Variants in VPS35L observed in about 807,000 individuals in gnomAD.
The protein encoded by VPS35L is VPS35 endosomal protein-sorting factor-like.
In VPS35L, 83 loss-of-function variants were observed where a neutral mutation model predicts 133.0. That is an observed-to-expected ratio of 0.62 (90% CI 0.52 to 0.75). VPS35L has a LOEUF of 0.75. Ranked by LOEUF, VPS35L falls within the 30% of genes least tolerant of loss-of-function variation. The probability of loss-of-function intolerance (pLI) is 0.00; values close to 1 mark genes in which losing one functional copy is unlikely to be tolerated. For synonymous variants in VPS35L, 423 were observed against 449.9 expected (o/e 0.94, Z 0.76); for missense variants, 1,083 against 1,206.8 (o/e 0.90, Z 1.52).
intron 21 of VPS35L, among the ~76,000 whole-genome samples, chr16:19,641,983 G>A (rs1156319937): frequency 6.6e-6 from 1 of 152,230 alleles, no homozygotes; most frequent in Admixed American, 6.5e-5. Context: ...GCTGAGGCAG[G>A]TGGATCACCT....
intron 14 of VPS35L, among the ~76,000 whole-genome samples, chr16:19,623,392 C>T (rs116033858): frequency 6.6e-6 from 1 of 152,142 alleles, no homozygotes; most frequent in Non-Finnish European, 1.5e-5. Context: ...TCCTTGCTGT[C>T]TCTTCCTATA....
chr16:19,626,495 C>T (rs1973266217), intron 15 of VPS35L, among the ~76,000 whole-genome samples: 1 of 152,190 alleles, frequency 6.6e-6, no homozygotes, highest in Non-Finnish European at 1.5e-5. Flanking sequence ...GGCGTGGTGG[C>T]TGATGCCTGT....
intron 14 of VPS35L, among the ~76,000 whole-genome samples, chr16:19,623,276 A>G (rs1973142044): frequency 1.3e-5 from 2 of 152,164 alleles, no homozygotes; most frequent in East Asian, 3.9e-4. Context: ...GGAGACCAAG[A>G]TCAAGGGGCC....
At chr16:19,597,092 G>T (rs1158672965) in intron 8 of VPS35L, among the ~76,000 whole-genome samples, 1 of 151,992 alleles carries the variant, frequency 6.6e-6, no homozygotes, top group African/African-American at 2.4e-5. Flanking sequence ...TGGGCATGGT[G>T]ACTCACACCT....
chr16:19,572,785 C>T (rs955502534), intron 3 of VPS35L, among the ~76,000 whole-genome samples: 4 of 152,008 alleles, frequency 2.6e-5, no homozygotes, highest in Admixed American at 1.3e-4. Context: ...CAGGTTCAAG[C>T]GATTGTCCTG....
At chr16:19,564,992 C>G in intron 2 of VPS35L, 42 bp downstream of exon 2, 1 of 1,427,392 alleles carries the variant, frequency 7.0e-7, no homozygotes, top group Non-Finnish European at 9.8e-7. Context: ...ATTCTTATCC[C>G]TTGAAATGAA....
intron 28 of VPS35L, among the ~76,000 whole-genome samples, chr16:19,685,351 T>C (rs1975420744): frequency 1.3e-5 from 2 of 152,256 alleles, no homozygotes; most frequent in South Asian, 4.1e-4. Context: ...TCATCTGTGT[T>C]GGTATGCAAA....
intron 1 of VPS35L, among the ~76,000 whole-genome samples, 160 bp downstream of exon 1, chr16:19,555,906 G>A (rs936285785): frequency 6.6e-6 from 1 of 152,172 alleles, no homozygotes; most frequent in Non-Finnish European, 1.5e-5. Flanking sequence ...CGCTACCGCG[G>A]TCCAGCGGAG....
intron 1 of VPS35L, 28 bp from the exon 2 acceptor site, chr16:19,564,823 T>A: frequency 6.5e-7 from 1 of 1,540,606 alleles, no homozygotes; most frequent in Non-Finnish European, 9.0e-7. Context: ...CCCCATCCAC[T>A]AATTGGCTGT....
intron 8 of VPS35L, among the ~76,000 whole-genome samples, chr16:19,598,294 G>A (rs955216810): frequency 6.6e-6 from 1 of 152,196 alleles, no homozygotes; most frequent in African/African-American, 2.4e-5. Flanking sequence ...TTGGCACAAA[G>A]TAAGTGCTCA....
chr16:19,565,418 C>T (rs569516348), intron 2 of VPS35L, among the ~76,000 whole-genome samples: 81 of 152,182 alleles, frequency 5.3e-4, no homozygotes, highest in Non-Finnish European at 5.0e-4. Flanking sequence ...TCTTAGCTCA[C>T]GGCAACCTCT....
chr16:19,611,727 G>A (rs1446085906), intron 12 of VPS35L: 17 of 151,930 alleles, frequency 1.1e-4, no homozygotes, highest in Non-Finnish European at 2.9e-5. Context: ...CCTCTTTGCA[G>A]CAGAGGCCAA....
chr16:19,675,265 T>G (rs1567477895), intron 27 of VPS35L, among the ~76,000 whole-genome samples: 1 of 146,670 alleles, frequency 6.8e-6, no homozygotes, highest in Non-Finnish European at 1.5e-5. Flanking sequence ...TTTTTTTTTT[T>G]TGAGTCTTGC....
At position 19,626,164 on chromosome 16, in the gene VPS35L, T is replaced by A. The variant is rs1268058865; in HGVS notation, c.1225-13T>A. 1 of 1,547,192 alleles carries A rather than the reference T, an allele frequency of 6.5e-7. No individual in the cohort carries two copies. Among genetic ancestry groups the A allele is most frequent in the East Asian group, 2.3e-5 (1 of 43,642 alleles). ...ACCTGATTTTTTAATTATTATTATT[T>A]TTAACATAATAGGCTCTGCTGACCG... On this transcript the variant is annotated splice_polypyrimidine_tract_variant and intron_variant, in intron 14 of 30. Coordinates refer to ENST00000417362, the MANE Select transcript of VPS35L (RefSeq NM_020314.7).
At chr16:19,592,346 C>G (rs768941682) in intron 8 of VPS35L, among the ~76,000 whole-genome samples, 1 of 151,752 alleles carries the variant, frequency 6.6e-6, no homozygotes, top group Non-Finnish European at 1.5e-5. Flanking sequence ...TCCCAAAGTG[C>G]TGGAATTACA....
chr16:19,611,295 C>T (rs560780531), intron 12 of VPS35L, among the ~76,000 whole-genome samples: 30 of 152,296 alleles, frequency 2.0e-4, no homozygotes, highest in Middle Eastern at 3.4e-3. Context: ...CCACTGCGCC[C>T]GGCCAGTATA....
Position 19,691,469 on chromosome 16 carries a change from G to T in VPS35L, c.2644G>T (p.Glu882Ter). 1 of 1,611,870 alleles carries T rather than the reference G, an allele frequency of 6.2e-7. No individual in the cohort carries two copies. The highest frequency in any genetic ancestry group is 1.1e-5 in the South Asian group (1 of 90,994). Residue 882 changes from glutamate to a stop codon, truncating the protein, a stop_gained and splice_region_variant, in exon 29 of 31, where the codon GAG becomes TAG. Coordinates refer to ENST00000417362, the MANE Select transcript of VPS35L (RefSeq NM_020314.7). LOFTEE classifies it high-confidence loss of function. ...GCATCTGAAAACCCTGGCCAAGGAC[G>T]AGGTGGGTGCCCTCTGCTGTCCTCC... ...LEHLKTLAKD[E>*]ALKRQSSLGL...
intron 19 of VPS35L, among the ~76,000 whole-genome samples, chr16:19,637,305 A>G (rs924085732): frequency 2.0e-5 from 3 of 152,126 alleles, no homozygotes; most frequent in African/African-American, 7.2e-5. Context: ...TTGATCTCCA[A>G]TTCACAGATG....
intron 15 of VPS35L, 110 bp downstream of exon 15, chr16:19,626,333 C>CA: frequency 1.2e-6 from 1 of 829,322 alleles, no homozygotes; most frequent in Non-Finnish European, 2.0e-6. Context: ...GGCAGGACTG[C>CA]ATGGAGGTTT....
Sources: gnomAD v4.1 joint callset for allele counts (sites outside exome capture counted in the v4.1 genomes callset) on GRCh38, gnomAD v4.1.1 for gene constraint, MANE v1.5 for transcripts, NCBI Gene and HGNC (gene_info 2026-07-23, HGNC 2026-07-21) for gene names.